Variants in GAB1 observed in about 807,000 individuals in gnomAD.
GAB1 encodes GRB2-associated-binding protein 1.
A neutral mutation model predicts 66.5 loss-of-function variants in GAB1; 19 were observed. The ratio of observed to expected loss-of-function variants is 0.29; its 90% CI spans 0.20 to 0.42. The LOEUF is 0.42. Ranked by LOEUF, GAB1 falls within the 10% of genes least tolerant of loss-of-function variation. The pLI is 1.00. For synonymous variants in GAB1, 294 were observed against 301.4 expected (o/e 0.98, Z 0.25); for missense variants, 732 against 858.5 (o/e 0.85, Z 1.84).
chr4:143,438,548 G>C lies in GAB1; in HGVS notation c.1143G>C (p.Ser381=), dbSNP rs755764881. 6.2e-7 allele frequency: 1 copy of C among 1,613,924 alleles called. No individual in the cohort carries two copies. The highest frequency in any genetic ancestry group is 1.1e-5 in the South Asian group (1 of 91,074). Residue 381 remains serine (S), a synonymous_variant, in exon 4 of 10, where the codon TCG becomes TCC. Coordinates refer to ENST00000262994, the MANE Select transcript of GAB1 (RefSeq NM_002039.4). Reference sequence around the variant, plus strand: ...ACTGTATCCCTACAGCAGGGATGTCGCCTTCACGTAGTAATACCATTTCCA... The same window carrying C: ...ACTGTATCCCTACAGCAGGGATGTCCCCTTCACGTAGTAATACCATTTCCA... ...SSYCIPTAGM[S]PSRSNTISTV... is the part of the protein sequence containing the mutation.
chr4:143,439,917 G>T (rs779463158), intron 5 of GAB1, 30 bp downstream of exon 5: 1 of 1,540,060 alleles, frequency 6.5e-7, no homozygotes, highest in East Asian at 2.2e-5. Flanking sequence ...GCATCATCAA[G>T]TGTATTTCAT....
intron 1 of GAB1, among the ~76,000 whole-genome samples, chr4:143,387,633 C>T (rs1730978873): frequency 6.6e-6 from 1 of 152,222 alleles, no homozygotes; most frequent in African/African-American, 2.4e-5. Flanking sequence ...TGCTTATCAG[C>T]AGTGCCACCC....
At chr4:143,410,922 A>C (rs1180269904) in intron 1 of GAB1, among the ~76,000 whole-genome samples, 1 of 152,358 alleles carries the variant, frequency 6.6e-6, no homozygotes, top group African/African-American at 2.4e-5. Flanking sequence ...CCCTCAGTAC[A>C]TTCAAATGCA....
chr4:143,399,178 A>G (rs1731617667), intron 1 of GAB1, among the ~76,000 whole-genome samples: 1 of 152,240 alleles, frequency 6.6e-6, no homozygotes, highest in Non-Finnish European at 1.5e-5. Flanking sequence ...AACCAAAAGT[A>G]AAGTGGCCAG....
intron 1 of GAB1, among the ~76,000 whole-genome samples, chr4:143,354,763 C>T (rs938503121): frequency 6.6e-6 from 1 of 152,120 alleles, no homozygotes; most frequent in Non-Finnish European, 1.5e-5. Flanking sequence ...ATTTTTAATA[C>T]TCAGAGATTT....
chr4:143,338,469 T>C (rs1253095150), intron 1 of GAB1, among the ~76,000 whole-genome samples: 3 of 152,228 alleles, frequency 2.0e-5, no homozygotes, highest in Non-Finnish European at 1.5e-5. Flanking sequence ...AGTATTTAAC[T>C]TCACTGACAA....
chr4:143,437,389 T>C (rs923036030), intron 3 of GAB1, among the ~76,000 whole-genome samples: 4 of 152,222 alleles, frequency 2.6e-5, no homozygotes, highest in Admixed American at 1.3e-4. Flanking sequence ...GTTGGTTAAC[T>C]CTGTATCACG....
rs1732635611 is a variant in GAB1 at position 143,415,537 on chromosome 4, T to C, written c.133T>C (p.Leu45=). ...CCGTTTAACTGGAGATCCAGATGTTTTGGAATATTACAAAAATGATCATGC... is the reference window on the plus strand; with the variant it reads ...CCGTTTAACTGGAGATCCAGATGTTCTGGAATATTACAAAAATGATCATGC... ...SGRLTGDPDV[L]EYYKNDHAKK... Residue 45 remains leucine, a synonymous_variant, in exon 2 of 10, where the codon TTG becomes CTG. Transcript: ENST00000262994. 5 of 1,613,596 alleles carry C rather than the reference T, an allele frequency of 3.1e-6. No homozygotes were observed. The highest frequency in any genetic ancestry group is 4.2e-6 in the Non-Finnish European group (5 of 1,179,684).
intron 1 of GAB1, among the ~76,000 whole-genome samples, chr4:143,360,933 T>C (rs1729638978): frequency 6.6e-6 from 1 of 152,090 alleles, no homozygotes; most frequent in South Asian, 2.1e-4. Flanking sequence ...AAAGTGTGAG[T>C]GCTTATTTCC....
At chr4:143,442,559 G>A (rs1734299632) in intron 6 of GAB1, among the ~76,000 whole-genome samples, 1 of 151,952 alleles carries the variant, frequency 6.6e-6, no homozygotes, top group Middle Eastern at 3.2e-3. Flanking sequence ...TATCCTCTAG[G>A]TCTGATATCA....
chr4:143,459,300 T>C (rs916975247), intron 6 of GAB1, 85 bp from the exon 7 acceptor site: 4 of 805,770 alleles, frequency 5.0e-6, no homozygotes, highest in Non-Finnish European at 8.5e-6. Flanking sequence ...GGCTATCAAA[T>C]ATAAATAGAG....
At position 143,440,254 on chromosome 4, in the gene GAB1, G is replaced by A. The variant is rs1322381996; in HGVS notation, c.1457G>A (p.Gly486Glu). 6 of 1,614,086 alleles carry A rather than the reference G, an allele frequency of 3.7e-6. No individual in the cohort carries two copies. The highest frequency in any genetic ancestry group is 5.1e-6 in the Non-Finnish European group (6 of 1,180,008). The change falls in exon 6 of 10, where the codon GGA becomes GAA. Residue 486 changes from glycine to glutamate, a missense_variant. Coordinates refer to ENST00000262994, the MANE Select transcript of GAB1 (RefSeq NM_002039.4). ...TPGTFDFSSF[G>E]MQVPPPAHMG... ...GGAACATTTGATTTTTCCTCATTTG[G>A]AATGCAAGTTCCTCCTCCTGCTCAT...
intron 1 of GAB1, among the ~76,000 whole-genome samples, chr4:143,402,627 A>G (rs1001518172): frequency 1.3e-5 from 2 of 152,186 alleles, no homozygotes; most frequent in Admixed American, 1.3e-4. Context: ...GATTTGTGGT[A>G]TTTTGAAGCC....
chr4:143,465,524 C>A (rs1051988985), intron 8 of GAB1, among the ~76,000 whole-genome samples: 20 of 152,114 alleles, frequency 1.3e-4, no homozygotes, highest in African/African-American at 4.6e-4. Flanking sequence ...CGTTTTTCTG[C>A]ATGTTTAGCA....
At chr4:143,463,690 C>A (rs1735622563) in intron 8 of GAB1, among the ~76,000 whole-genome samples, 1 of 151,704 alleles carries the variant, frequency 6.6e-6, no homozygotes, top group Non-Finnish European at 1.5e-5. Context: ...CTTATAATAC[C>A]TTATAGAATC....
At chr4:143,403,373 C>T (rs1376978503) in intron 1 of GAB1, among the ~76,000 whole-genome samples, 2 of 151,984 alleles carry the variant, frequency 1.3e-5, no homozygotes, top group Non-Finnish European at 2.9e-5. Context: ...TCCTGTTGAC[C>T]GAAGGTTATG....
chr4:143,340,234 A>C (rs1179292772), intron 1 of GAB1, among the ~76,000 whole-genome samples: 1 of 152,132 alleles, frequency 6.6e-6, no homozygotes, highest in African/African-American at 2.4e-5. Flanking sequence ...ATTTTTCTGG[A>C]TAAAGGAAAC....
intron 1 of GAB1, among the ~76,000 whole-genome samples, chr4:143,379,747 C>T (rs867195770): frequency 1.3e-5 from 2 of 151,938 alleles, no homozygotes; most frequent in East Asian, 1.9e-4. Flanking sequence ...CCACAGTGCC[C>T]GGCTAATTTT....
chr4:143,385,784 AGTG>A (rs1361892533), intron 1 of GAB1, among the ~76,000 whole-genome samples: 2 of 152,198 alleles, frequency 1.3e-5, no homozygotes, highest in African/African-American at 2.4e-5. Flanking sequence ...ATCAGCAAAC[AGTG>A]GTCTGAGTGC....
Sources: gnomAD v4.1 joint callset for allele counts (sites outside exome capture counted in the v4.1 genomes callset) on GRCh38, gnomAD v4.1.1 for gene constraint, MANE v1.5 for transcripts, NCBI Gene and HGNC (gene_info 2026-07-23, HGNC 2026-07-21) for gene names.